MIR17HG: variants seen among roughly 807,000 people sequenced by gnomAD.
MIR17HG encodes the protein miR-17-92a-1 cluster host gene.
intron 3 of MIR17HG, chr13:91,350,850 C>G (rs1206330733): frequency 1.9e-6 from 1 of 534,632 alleles, no homozygotes; most frequent in Non-Finnish European, 3.8e-6. Context: ...TCCAATAATT[C>G]AAGCCAAGCA....
rs549062236 is a variant in MIR17HG at position 91,353,109 on chromosome 13, C to CAAAA, written n.285-800_285-797dup. On this transcript the variant is annotated intron_variant and non_coding_transcript_variant, in intron 3 of 3. Coordinates refer to ENST00000400282, the Ensembl canonical transcript of MIR17HG. ...TGGGCGCAAGACCAAGACTTAAACG[C>CAAAA]AAAAAAAAAAAAAAAAAAAAAAAAA... 7.3e-4 allele frequency among the ~76,000 whole-genome samples: 21 copies of CAAAA among 28,878 alleles called. 1 individual carries two copies. The highest frequency in any genetic ancestry group is 9.8e-4 in the Non-Finnish European group (15 of 15,348). The allele number at this position is 28,878 out of a possible 152,430, so 18.9% of individuals were successfully genotyped here. A position where few individuals can be genotyped will look rare whatever the true frequency, so the allele number is the denominator to read the frequency against.
intron 1 of MIR17HG, chr13:91,348,064 T>TGCC (rs1555298764): frequency 1.4e-5 from 2 of 147,090 alleles, no homozygotes; most frequent in African/African-American, 5.0e-5. Context: ...CGGGGCAGCG[T>TGCC]GGCGGCGGCG....
intron 1 of MIR17HG, among the ~76,000 whole-genome samples, chr13:91,348,777 A>G (rs1169500445): frequency 6.7e-6 from 1 of 149,404 alleles, no homozygotes; most frequent in African/African-American, 2.4e-5. Flanking sequence ...CCCCGCCGCC[A>G]TGTTCCTGCG....
chr13:91,350,594 G>T (rs1420852351), intron 3 of MIR17HG: 1 of 534,100 alleles, frequency 1.9e-6, no homozygotes. Context: ...TAAAACTGAA[G>T]ATTGTGACCA....
intron 3 of MIR17HG, chr13:91,351,288 T>C: frequency 1.9e-6 from 1 of 531,882 alleles, no homozygotes; most frequent in Non-Finnish European, 3.9e-6. Context: ...GAAAAGTCTG[T>C]AGAAAAGTAA....
At chr13:91,354,395 A>G (rs1594016957) in exon 4 of MIR17HG, 1 of 152,264 alleles carries the variant, frequency 6.6e-6, no homozygotes, top group South Asian at 2.1e-4. Context: ...AGAATGCTTA[A>G]TTTTCTTATC....
Position 91,351,241 on chromosome 13 carries a change from C to T in MIR17HG, n.284+1015C>T, listed in dbSNP as rs765344673. The T allele has an allele frequency of 5.5e-5, 29 of 530,724 alleles. 1 individual carries two copies. The Admixed American group carries it at 5.6e-4, about 10-fold the overall frequency. The allele number at this position is 530,724 out of a possible 1,614,324, so 32.9% of individuals were successfully genotyped here. On this transcript the variant is annotated intron_variant and non_coding_transcript_variant, in intron 3 of 3. Coordinates refer to ENST00000400282, the Ensembl canonical transcript of MIR17HG. ...GGTTTGCATCCAGCTGTGTGATATT[C>T]TGCTGTGCAAATCCATGCAAAACTG...
At chr13:91,351,460 TACAAGA>T in intron 3 of MIR17HG, 2 of 476,648 alleles carry the variant, frequency 4.2e-6, no homozygotes, top group South Asian at 3.0e-5. Context: ...CTGTTAAATG[TACAAGA>T]TACATGAAAT....
chr13:91,347,845 G>C (rs925269954), exon 1 of MIR17HG: 2 of 150,750 alleles, frequency 1.3e-5, no homozygotes, highest in African/African-American at 4.9e-5. Context: ...GGGCGGGCCG[G>C]CCGGCCGCAC....
chr13:91,349,728 C>CT (rs1404875486), exon 2 of MIR17HG: 1 of 152,134 alleles, frequency 6.6e-6, no homozygotes, highest in Non-Finnish European at 1.5e-5. Flanking sequence ...GCACCAGTAG[C>CT]TTTTCTGAGA....
chr13:91,348,194 G>C (rs1430117404), intron 1 of MIR17HG, among the ~76,000 whole-genome samples: 2 of 148,698 alleles, frequency 1.3e-5, no homozygotes, highest in Non-Finnish European at 3.0e-5. Flanking sequence ...GAGGGTGGGA[G>C]GGGGCGGCGT....
At chr13:91,349,204 C>A (rs947131175) in intron 1 of MIR17HG, among the ~76,000 whole-genome samples, 7 of 152,130 alleles carry the variant, frequency 4.6e-5, no homozygotes, top group Non-Finnish European at 2.9e-5. Flanking sequence ...TGTTCCTAAA[C>A]TGCAGCAAAG....
At chr13:91,349,504 C>G (rs1194800485) in intron 1 of MIR17HG, among the ~76,000 whole-genome samples, 3 of 151,832 alleles carry the variant, frequency 2.0e-5, no homozygotes, top group African/African-American at 7.3e-5. Flanking sequence ...CAACTTTATT[C>G]TCTTACGTAT....
chr13:91,354,423 A>T (rs1346115586), exon 4 of MIR17HG: 1 of 152,240 alleles, frequency 6.6e-6, no homozygotes, highest in East Asian at 1.9e-4. Context: ...GTAAACACAG[A>T]GACAGAACAT....
intron 1 of MIR17HG, among the ~76,000 whole-genome samples, chr13:91,349,476 T>C (rs1168278330): frequency 6.6e-6 from 1 of 152,168 alleles, no homozygotes; most frequent in Non-Finnish European, 1.5e-5. Flanking sequence ...GACATGTATC[T>C]GATAGCTAAG....
intron 3 of MIR17HG, chr13:91,352,369 C>T (rs1875359111): frequency 6.6e-6 from 1 of 151,894 alleles, no homozygotes; most frequent in African/African-American, 2.4e-5. Flanking sequence ...TTAAAAGGAC[C>T]AAGTGGTAAA....
At chr13:91,350,495 A>T (rs751304824) in intron 3 of MIR17HG, 6 of 491,664 alleles carry the variant, frequency 1.2e-5, no homozygotes, top group Non-Finnish European at 2.1e-5. Flanking sequence ...ATTATGCTGA[A>T]TTTGTATGGT....
chr13:91,349,052 G>A (rs1191919558), intron 1 of MIR17HG, among the ~76,000 whole-genome samples: 2 of 151,714 alleles, frequency 1.3e-5, no homozygotes, highest in Admixed American at 6.6e-5. Context: ...GTCCGGCGGG[G>A]CCTGACTCTG....
exon 4 of MIR17HG, chr13:91,354,402 TATCCAGTAATGTAAACACAG>T (rs1875471298): frequency 2.0e-5 from 3 of 152,260 alleles, no homozygotes; most frequent in African/African-American, 7.2e-5. Context: ...TTAATTTTCT[TATCCAGTAATGTAAACACAG>T]AGACAGAACA....
Sources: allele counts gnomAD v4.1 joint callset (sites outside exome capture counted in the v4.1 genomes callset), GRCh38; gene constraint gnomAD v4.1.1; transcripts MANE v1.5; gene names NCBI Gene and HGNC (gene_info 2026-07-23, HGNC 2026-07-21).